CELF2: variants seen among roughly 807,000 people sequenced by gnomAD.
CELF2 encodes CUG triplet repeat RNA-binding protein 2.
In CELF2, 8 loss-of-function variants were observed where a neutral mutation model predicts 62.6. The observed-to-expected ratio is 0.13, with a 90% CI of 0.07 to 0.23. The LOEUF (loss-of-function observed/expected upper bound fraction) is 0.23, where lower values mean the gene tolerates loss of function less well. Among genes scored for constraint, CELF2 ranks in the 10% least tolerant of loss-of-function variants. The probability of loss-of-function intolerance (pLI) is 1.00; values close to 1 mark genes in which losing one functional copy is unlikely to be tolerated. For synonymous variants in CELF2, 258 were observed against 250.0 expected, an observed-to-expected ratio of 1.03 and a Z score of -0.30; for missense variants, 333 against 671.0, an observed-to-expected ratio of 0.50 and a Z score of 5.56.
the CELF2 span, among the ~76,000 whole-genome samples, chr10:10,651,831 G>A: frequency 6.6e-6 from 1 of 151,814 alleles, no homozygotes; most frequent in Admixed American, 6.6e-5. Context: ...TCCTCCAAAG[G>A]AACGCAGTTC....
At chr10:10,826,123 C>T (rs2057369228) in intron 1 of CELF2, among the ~76,000 whole-genome samples, 1 of 151,950 alleles carries the variant, frequency 6.6e-6, no homozygotes, top group African/African-American at 2.4e-5. Context: ...TTCCTATTTT[C>T]ACTAAATAAA....
At chr10:11,085,603 G>T (rs538565164) in intron 1 of CELF2, among the ~76,000 whole-genome samples, 2 of 152,056 alleles carry the variant, frequency 1.3e-5, no homozygotes, top group South Asian at 2.1e-4. Context: ...CAGATGGGCC[G>T]TTGAGGCACA....
intron 1 of CELF2, among the ~76,000 whole-genome samples, chr10:10,831,516 G>T (rs570029862): frequency 3.9e-5 from 6 of 152,342 alleles, no homozygotes; most frequent in Admixed American, 3.9e-4. Flanking sequence ...GATGTTTCTG[G>T]ACTTGTCCCT....
the CELF2 span, among the ~76,000 whole-genome samples, chr10:10,775,192 G>A: frequency 6.6e-6 from 1 of 152,072 alleles, no homozygotes; most frequent in African/African-American, 2.4e-5. Context: ...TCATGTTTTA[G>A]TTAAGACCTG....
rs982778871 is a variant in CELF2, at chr10:10,829,037, A to G, written c.53+30220A>G. 2.2e-4 allele frequency among the ~76,000 whole-genome samples: 33 copies of G among 152,254 alleles called. 1 individual carries two copies. Among genetic ancestry groups the G allele is most frequent in the Admixed American group, 2.0e-3 (30 of 15,284 alleles). On this transcript the variant is annotated intron_variant, in intron 1 of 13. Transcript: ENST00000636488. ...AAGAGGGGATCAAATGGAAAAGAAA[A>G]ATATGTAATATAGATTTATAAGTTA...
In CELF2 at chr10:10,983,291, A is replaced by G. The variant is rs1415465575; in HGVS notation, c.89+63292A>G. Among the ~76,000 whole-genome samples, 1 of 152,240 alleles carries G rather than the reference A, an allele frequency of 6.6e-6. No individual in the cohort carries two copies. Among genetic ancestry groups the G allele is most frequent in the East Asian group, 1.9e-4 (1 of 5,208 alleles). ...ACATAGCATTATTTATACACATTTT[A>G]GTAAAACTAGCTGAGGGTGCTTGGG... is the stretch of plus-strand genomic sequence containing the variant. On this transcript the variant is annotated intron_variant, in intron 2 of 13. Coordinates refer to the CELF2 transcript ENST00000636488. This position sits in a 1 kb window ranked among gnomAD's most constrained non-coding sequence, Gnocchi z 5.2.
rs898986688 is a variant in CELF2 at position 11,237,766 on chromosome 10, A to G, written c.355-11387A>G. ...TGGGGAGGGCACCGAAGGCTGAGGG[A>G]GCACTGAGGCCCCAGGCAGCGTCAC... On this transcript the variant is annotated intron_variant, in intron 3 of 12. Transcript: ENST00000633077. This position sits in a 1 kb window ranked among gnomAD's most constrained non-coding sequence, Gnocchi z 4.0. 6.6e-6 allele frequency among the ~76,000 whole-genome samples: 1 copy of G among 152,216 alleles called. No individual in the cohort carries two copies. Among genetic ancestry groups the G allele is most frequent in the Non-Finnish European group, 1.5e-5 (1 of 68,036 alleles).
intron 1 of CELF2, among the ~76,000 whole-genome samples, chr10:10,854,433 G>A (rs191789500): frequency 3.3e-5 from 5 of 152,160 alleles, no homozygotes; most frequent in Non-Finnish European, 5.9e-5. Flanking sequence ...GTTTATTCTC[G>A]AAGTGAGTTT....
At chr10:10,900,944 C>G (rs952413336) in intron 1 of CELF2, among the ~76,000 whole-genome samples, 60 of 152,224 alleles carry the variant, frequency 3.9e-4, no homozygotes, top group Non-Finnish European at 8.8e-5. Context: ...GTTACTCCTT[C>G]AAAAGTATTA....
chr10:11,103,639 C>T (rs553823252), intron 1 of CELF2, among the ~76,000 whole-genome samples: 6 of 152,098 alleles, frequency 3.9e-5, no homozygotes, highest in East Asian at 1.9e-4. Context: ...ACGCAACTCT[C>T]GACACATGAA....
At chr10:10,527,127 C>T in the CELF2 span, among the ~76,000 whole-genome samples, 2 of 152,160 alleles carry the variant, frequency 1.3e-5, no homozygotes, top group African/African-American at 2.4e-5. Context: ...TGTTTGAGGC[C>T]GTGGAGCTGA....
At chr10:10,555,180 AC>A in the CELF2 span, among the ~76,000 whole-genome samples, 1 of 152,140 alleles carries the variant, frequency 6.6e-6, no homozygotes, top group African/African-American at 2.4e-5. Flanking sequence ...GAGGTAAGTC[AC>A]CCCAAAGGAT....
intron 2 of CELF2, among the ~76,000 whole-genome samples, chr10:10,932,676 A>ATGTGTGTGTGTGTG (rs72121252): frequency 2.0e-5 from 3 of 150,730 alleles, no homozygotes; most frequent in African/African-American, 7.3e-5. Context: ...ATGTATGTGT[A>ATGTGTGTGTGTGTG]TGTGTGTGTG....
chr10:11,059,684 A>G (rs749514377), intron 1 of CELF2, among the ~76,000 whole-genome samples: 1 of 152,192 alleles, frequency 6.6e-6, no homozygotes, highest in Non-Finnish European at 1.5e-5. Context: ...CCATCAGGAC[A>G]GAGTATGGAA....
intron 1 of CELF2, among the ~76,000 whole-genome samples, chr10:11,155,413 C>T (rs1380713120): frequency 6.6e-6 from 1 of 152,118 alleles, no homozygotes; most frequent in African/African-American, 2.4e-5. Flanking sequence ...CTTTTGTTTG[C>T]TCCTCGTCTT....
rs776359365 is a variant in CELF2, at chr10:11,268,443, C to T, written c.618+1766C>T. On this transcript the variant is annotated intron_variant, in intron 6 of 12. Transcript: ENST00000633077. This position sits in a 1 kb window ranked among gnomAD's most constrained non-coding sequence, Gnocchi z 4.7. ...TGCTCAGAGAGCCACGGACAACCCA[C>T]GGGAGACCATGTTCCCCTGTGTTCC... Among the ~76,000 whole-genome samples the T allele has an allele frequency of 1.3e-5, 2 of 152,072 alleles. No homozygotes were observed. Among genetic ancestry groups the T allele is most frequent in the African/African-American group, 2.4e-5 (1 of 41,392 alleles).
At chr10:10,917,157 A>G (rs1317478866) in intron 1 of CELF2, among the ~76,000 whole-genome samples, 3 of 152,198 alleles carry the variant, frequency 2.0e-5, no homozygotes, top group African/African-American at 7.2e-5. Context: ...TGGGGAACAA[A>G]CACAGTATAC....
the CELF2 span, among the ~76,000 whole-genome samples, chr10:10,515,002 A>G: frequency 6.6e-6 from 1 of 152,246 alleles, no homozygotes; most frequent in Non-Finnish European, 1.5e-5. Context: ...AAGGAGTTAT[A>G]TAACAGGTTA....
the CELF2 span, among the ~76,000 whole-genome samples, chr10:10,716,584 T>C: frequency 3.3e-5 from 5 of 152,216 alleles, no homozygotes; most frequent in Admixed American, 3.3e-4. Flanking sequence ...TTTAAACCTA[T>C]TTCCTTTTTT....
Sources: gnomAD v4.1 joint callset for allele counts (sites outside exome capture counted in the v4.1 genomes callset) on GRCh38, gnomAD v4.1.1 for gene constraint, Gnocchi (gnomAD v3.1) non-coding constraint, MANE v1.5 for transcripts, NCBI Gene and HGNC (gene_info 2026-07-23, HGNC 2026-07-21) for gene names.